Variants in METTL15 observed in about 807,000 individuals in gnomAD.
METTL15 encodes the protein methyltransferase 15, mitochondrial 12S rRNA N4-cytidine.
In METTL15, 34 loss-of-function variants were observed where a neutral mutation model predicts 38.3. The ratio of observed to expected loss-of-function variants is 0.89; its 90% CI spans 0.68 to 1.18. The LOEUF (loss-of-function observed/expected upper bound fraction) is 1.18. METTL15 is among the 50% of genes most tolerant of loss of function. The pLI, the probability that METTL15 is intolerant of heterozygous loss-of-function variation, is 0.00. For missense variants in METTL15, 438 were observed against 498.4 expected (o/e 0.88, Z 1.15); for synonymous variants, 162 against 170.9 (o/e 0.95, Z 0.41).
At chr11:28,258,236 A>C (rs1011376957) in intron 4 of METTL15, among the ~76,000 whole-genome samples, 4 of 152,164 alleles carry the variant, frequency 2.6e-5, no homozygotes, top group Non-Finnish European at 5.9e-5. Context: ...ACAATGGGGT[A>C]TCTCTCTCTG....
intron 6 of METTL15, among the ~76,000 whole-genome samples, chr11:28,476,092 C>T (rs4417256): frequency 0.4 from 61,501 of 152,082 alleles, 14,251 homozygotes; most frequent in Admixed American, 0.52. Context: ...AGACAAAGAA[C>T]AGAAAATGAA....
intron 3 of METTL15, among the ~76,000 whole-genome samples, chr11:28,183,012 A>C (rs1213393092): frequency 1.3e-5 from 2 of 151,678 alleles, no homozygotes; most frequent in African/African-American, 4.8e-5. Context: ...TTATTCTCTT[A>C]GTAGCAATTG....
At chr11:28,519,940 G>T (rs1851751542) in intron 6 of METTL15, among the ~76,000 whole-genome samples, 1 of 152,092 alleles carries the variant, frequency 6.6e-6, no homozygotes, top group Non-Finnish European at 1.5e-5. Context: ...TTTCCAACAC[G>T]GCTGATTCTC....
intron 3 of METTL15, among the ~76,000 whole-genome samples, chr11:28,127,724 CAT>C (rs1467377228): frequency 1.3e-5 from 2 of 151,978 alleles, no homozygotes; most frequent in Non-Finnish European, 2.9e-5. Context: ...AGCATTACCA[CAT>C]AGAACCAATT....
chr11:28,185,297 T>G (rs1851454427), intron 3 of METTL15, among the ~76,000 whole-genome samples: 1 of 151,492 alleles, frequency 6.6e-6, no homozygotes, highest in South Asian at 2.1e-4. Flanking sequence ...AGTACAGATT[T>G]TTTTTTAAAC....
At chr11:28,118,442 T>G (rs1406843903) in intron 3 of METTL15, among the ~76,000 whole-genome samples, 2 of 152,184 alleles carry the variant, frequency 1.3e-5, no homozygotes, top group African/African-American at 4.8e-5. Context: ...TTTGCATCAT[T>G]TCATATTCTA....
chr11:28,307,259 A>G (rs1015650760), intron 6 of METTL15, among the ~76,000 whole-genome samples: 5 of 152,000 alleles, frequency 3.3e-5, no homozygotes, highest in African/African-American at 1.2e-4. Flanking sequence ...ATAATTATTT[A>G]TTTAATGACT....
intron 5 of METTL15, among the ~76,000 whole-genome samples, chr11:28,409,799 T>C (rs1008175729): frequency 6.6e-6 from 1 of 151,604 alleles, no homozygotes; most frequent in East Asian, 1.9e-4. Context: ...CAGAAATAAA[T>C]AGAAAATAGA....
intron 6 of METTL15, among the ~76,000 whole-genome samples, chr11:28,313,236 A>G (rs1349768273): frequency 6.6e-6 from 1 of 152,026 alleles, no homozygotes; most frequent in Non-Finnish European, 1.5e-5. Context: ...TTTTAAAACT[A>G]CCTATGCTAG....
intron 3 of METTL15, among the ~76,000 whole-genome samples, chr11:28,184,725 A>G (rs989154864): frequency 1.3e-5 from 2 of 151,672 alleles, no homozygotes; most frequent in Non-Finnish European, 3.0e-5. Context: ...ATGTTAATAT[A>G]TCACTTAATA....
intron 4 of METTL15, among the ~76,000 whole-genome samples, chr11:28,275,577 A>G (rs1051759498): frequency 9.2e-5 from 14 of 151,726 alleles, no homozygotes; most frequent in African/African-American, 3.4e-4. Context: ...ATCAGAGGAC[A>G]TAATTCTCCC....
At chr11:28,529,714 G>T (rs548686572), downstream of METTL15, among the ~76,000 whole-genome samples, 2 of 152,036 alleles carry the variant, frequency 1.3e-5, no homozygotes, top group African/African-American at 2.4e-5. Context: ...AGTCCTGGGG[G>T]TTCTTTCATT....
chr11:28,399,299 CAA>C (rs1850606839), intron 5 of METTL15, among the ~76,000 whole-genome samples: 1 of 151,894 alleles, frequency 6.6e-6, no homozygotes, highest in African/African-American at 2.4e-5. Flanking sequence ...AAAATTAACT[CAA>C]GATGGATTAA....
intron 6 of METTL15, among the ~76,000 whole-genome samples, chr11:28,315,299 G>A (rs1857441004): frequency 6.6e-6 from 1 of 152,156 alleles, no homozygotes; most frequent in South Asian, 2.1e-4. Flanking sequence ...AACTTGTTGG[G>A]AACTGGAGCA....
At chr11:28,523,451 G>A (rs1410719410) in intron 6 of METTL15, among the ~76,000 whole-genome samples, 1 of 152,174 alleles carries the variant, frequency 6.6e-6, no homozygotes. Flanking sequence ...CGACATATTG[G>A]AAGCTGATTG....
Position 28,330,323 on chromosome 11 carries a change from A to G in METTL15, c.779-73A>G, listed in dbSNP as rs1447782015. 4 of 1,328,828 alleles carry G rather than the reference A, an allele frequency of 3.0e-6. No homozygotes were observed. In the African/African-American group the frequency reaches 5.9e-5, roughly 20 times the overall value. The allele number at this position is 1,328,828 out of a possible 1,614,324, so 82.3% of individuals were successfully genotyped here. A position where few individuals can be genotyped will look rare whatever the true frequency, so the allele number is the denominator to read the frequency against. On this transcript the variant is annotated intron_variant, in intron 6 of 6. Coordinates refer to ENST00000407364, the MANE Select transcript of METTL15 (RefSeq NM_001113528.2). ...CACTAAATATGCACACAACTACACA[A>G]TTCATTAGATTTACAGTGAAAAATA... is the stretch of plus-strand genomic sequence containing the variant.
chr11:28,397,180 G>T (rs962674566), intron 5 of METTL15, among the ~76,000 whole-genome samples: 62 of 152,068 alleles, frequency 4.1e-4, no homozygotes, highest in Non-Finnish European at 7.2e-4. Flanking sequence ...CATAGGCATG[G>T]GCAAGGACTT....
intron 5 of METTL15, among the ~76,000 whole-genome samples, chr11:28,399,552 A>T (rs77283865): frequency 6.6e-6 from 1 of 151,964 alleles, no homozygotes; most frequent in Non-Finnish European, 1.5e-5. Flanking sequence ...CATAGCACAT[A>T]TATTAGAATA....
intron 3 of METTL15, among the ~76,000 whole-genome samples, chr11:28,199,767 A>C (rs1852040651): frequency 6.8e-6 from 1 of 147,020 alleles, no homozygotes. Flanking sequence ...TTTGAGATGG[A>C]GTCTCGCTCT....
Sources: gnomAD v4.1 joint callset for allele counts (sites outside exome capture counted in the v4.1 genomes callset) on GRCh38, gnomAD v4.1.1 for gene constraint, MANE v1.5 for transcripts, NCBI Gene and HGNC (gene_info 2026-07-23, HGNC 2026-07-21) for gene names.